ATP11B: variants seen among roughly 807,000 people sequenced by gnomAD.
ATP11B encodes ATPase phospholipid transporting 11B (putative), also known as phospholipid-transporting ATPase IF.
A neutral mutation model predicts 157.8 loss-of-function variants in ATP11B; 81 were observed. The ratio of observed to expected loss-of-function variants is 0.51; its 90% CI spans 0.43 to 0.62. The LOEUF (loss-of-function observed/expected upper bound fraction) is 0.62, where lower values mean the gene tolerates loss of function less well. ATP11B is among the 20% of genes least tolerant of loss of function. The pLI, the probability that ATP11B is intolerant of heterozygous loss-of-function variation, is 0.00. For synonymous variants in ATP11B, 451 were observed against 469.4 expected, an observed-to-expected ratio of 0.96 and a Z score of 0.51; for missense variants, 1,165 against 1,402.2, an observed-to-expected ratio of 0.83 and a Z score of 2.70.
chr3:182,848,426 G>A (rs1577016247), intron 9 of ATP11B, 50 bp from the exon 10 acceptor site: 3 of 1,032,570 alleles, frequency 2.9e-6, no homozygotes, highest in Non-Finnish European at 4.1e-6. Context: ...TATTTCTTGT[G>A]AAACATGCTA....
chr3:182,812,269 T>C (rs1227141322), intron 1 of ATP11B, among the ~76,000 whole-genome samples: 1 of 152,172 alleles, frequency 6.6e-6, no homozygotes, highest in Non-Finnish European at 1.5e-5. Context: ...CCAAGGAGGA[T>C]TTAGAAAGCC....
chr3:182,867,504 G>A, intron 15 of ATP11B, 60 bp downstream of exon 15: 1 of 1,182,662 alleles, frequency 8.5e-7, no homozygotes, highest in Non-Finnish European at 1.2e-6. Context: ...TATAGAATAA[G>A]GATCAGTAAA....
intron 25 of ATP11B, among the ~76,000 whole-genome samples, chr3:182,890,177 A>T (rs532915376): frequency 9.2e-5 from 14 of 152,288 alleles, no homozygotes; most frequent in South Asian, 2.1e-4. Flanking sequence ...GCTCATGTTG[A>T]GAGACTCTTG....
intron 1 of ATP11B, among the ~76,000 whole-genome samples, chr3:182,805,108 T>C (rs1716247425): frequency 6.6e-6 from 1 of 152,212 alleles, no homozygotes; most frequent in Admixed American, 6.5e-5. Flanking sequence ...AGTTGTTATG[T>C]AGATGTGTAT....
At chr3:182,858,650 A>G (rs1720606529) in intron 11 of ATP11B, among the ~76,000 whole-genome samples, 1 of 152,062 alleles carries the variant, frequency 6.6e-6, no homozygotes, top group Non-Finnish European at 1.5e-5. Context: ...CCTTTCACCA[A>G]TGCATATTGA....
intron 24 of ATP11B, among the ~76,000 whole-genome samples, chr3:182,889,145 G>A (rs1484678458): frequency 6.6e-6 from 1 of 152,186 alleles, no homozygotes; most frequent in Non-Finnish European, 1.5e-5. Context: ...ACAGGCTTAA[G>A]CCATCGCACC....
chr3:182,869,021 C>T (rs992719067), intron 15 of ATP11B, 57 bp from the exon 16 acceptor site: 6 of 1,107,848 alleles, frequency 5.4e-6, no homozygotes, highest in African/African-American at 1.6e-5. Flanking sequence ...CATATAGTCA[C>T]TTAATATTAT....
intron 1 of ATP11B, among the ~76,000 whole-genome samples, chr3:182,807,455 A>G (rs1459620203): frequency 6.6e-6 from 1 of 152,238 alleles, no homozygotes; most frequent in Non-Finnish European, 1.5e-5. Flanking sequence ...CCTCTTACAC[A>G]TGTTATATAG....
intron 12 of ATP11B, among the ~76,000 whole-genome samples, chr3:182,860,188 A>G (rs1275520441): frequency 6.6e-6 from 1 of 152,194 alleles, no homozygotes; most frequent in East Asian, 1.9e-4. Context: ...CTTCCTGAGA[A>G]AGGATGTATC....
intron 1 of ATP11B, among the ~76,000 whole-genome samples, chr3:182,818,656 C>G (rs80047438): frequency 0.011 from 1,625 of 152,276 alleles, 31 homozygotes; most frequent in African/African-American, 0.037. Flanking sequence ...GTACATAACA[C>G]TTAATATTCC....
In ATP11B at chr3:182,902,498, T is replaced by C. The variant is rs1054646497; in HGVS notation, c.3318+3726T>C. ...ACTTATAGATGTACTCCAACACAGT[T>C]GCTTTAAGTGACGAGTTCATCGCAC... On this transcript the variant is annotated intron_variant, in intron 28 of 29. Transcript: ENST00000323116. The C allele has an allele frequency of 5.4e-6, 7 of 1,289,494 alleles. No homozygotes were observed. In the Admixed American group the frequency reaches 6.9e-5, roughly 13 times the overall value. 79.9% of individuals were successfully genotyped at this position (1,289,494 alleles called of 1,614,324 possible).
At chr3:182,895,347 T>C (rs1215028185) in intron 25 of ATP11B, among the ~76,000 whole-genome samples, 1 of 152,146 alleles carries the variant, frequency 6.6e-6, no homozygotes, top group Admixed American at 6.5e-5. Context: ...GGAATATTAA[T>C]TGATGTTTCA....
At chr3:182,808,576 G>A (rs548724237) in intron 1 of ATP11B, among the ~76,000 whole-genome samples, 1 of 151,966 alleles carries the variant, frequency 6.6e-6, no homozygotes, top group South Asian at 2.1e-4. Flanking sequence ...AGTCTCCCAG[G>A]CCATGGGTTC....
intron 17 of ATP11B, among the ~76,000 whole-genome samples, chr3:182,871,448 A>G (rs1721649068): frequency 6.6e-6 from 1 of 152,242 alleles, no homozygotes; most frequent in Admixed American, 6.5e-5. Flanking sequence ...CAGATAATCA[A>G]TTCTGATTCC....
intron 7 of ATP11B, among the ~76,000 whole-genome samples, chr3:182,838,636 T>C (rs930237562): frequency 1.3e-5 from 2 of 152,064 alleles, no homozygotes; most frequent in Admixed American, 6.5e-5. Flanking sequence ...AATTATTGTT[T>C]AGCATCTGTG....
intron 28 of ATP11B, chr3:182,902,437 T>C: frequency 8.5e-7 from 1 of 1,174,110 alleles, no homozygotes. Flanking sequence ...TGAATACAGC[T>C]CACTGACTTG....
In ATP11B at chr3:182,882,268, G is replaced by A. The variant is rs867747248; in HGVS notation, c.2509+1287G>A. ...TAATTCTCCTTCTAGTTTGTATACC[G>A]TTATTTTCCATAAATTTTCATAGCA... On this transcript the variant is annotated intron_variant, in intron 21 of 29. Coordinates refer to ENST00000323116, the MANE Select transcript of ATP11B (RefSeq NM_014616.3). Among the ~76,000 whole-genome samples the A allele has an allele frequency of 1.1e-4, 16 of 151,874 alleles. No individual in the cohort carries two copies. The South Asian group carries it at 2.1e-3, about 20-fold the overall frequency.
chr3:182,843,896 T>C (rs1371452283), intron 8 of ATP11B: 1 of 152,236 alleles, frequency 6.6e-6, no homozygotes, highest in Admixed American at 6.5e-5. Flanking sequence ...AGCATTAACA[T>C]AGGAGCATGT....
intron 9 of ATP11B, among the ~76,000 whole-genome samples, chr3:182,846,535 A>G (rs778963330): frequency 6.6e-6 from 1 of 152,252 alleles, no homozygotes; most frequent in Non-Finnish European, 1.5e-5. Flanking sequence ...TGTTCATAGC[A>G]GCACTATTCA....
Sources: allele counts gnomAD v4.1 joint callset (sites outside exome capture counted in the v4.1 genomes callset), GRCh38; gene constraint gnomAD v4.1.1; transcripts MANE v1.5; gene names NCBI Gene and HGNC (gene_info 2026-07-23, HGNC 2026-07-21).